MIER1: variants seen among roughly 807,000 people sequenced by gnomAD.
The protein encoded by MIER1 is MIER1 transcriptional regulator.
MIER1 carries 40 observed loss-of-function variants against 75.7 expected under a neutral mutation model. The ratio of observed to expected loss-of-function variants is 0.53; its 90% CI spans 0.41 to 0.69. The LOEUF (loss-of-function observed/expected upper bound fraction) is 0.69, where lower values mean the gene tolerates loss of function less well. MIER1 is among the 30% of genes least tolerant of loss of function. The pLI is 0.00. For missense variants in MIER1, 574 were observed against 680.2 expected (o/e 0.84, Z 1.74); for synonymous variants, 213 against 223.4 (o/e 0.95, Z 0.42).
rs1223242870 is a variant in MIER1, at chr1:66,979,763, CT to C, written c.1230-2001del. Among the ~76,000 whole-genome samples, 1,018 of 138,404 alleles carry C rather than the reference CT, an allele frequency of 7.4e-3. 2 individuals carry two copies. Among genetic ancestry groups the C allele is most frequent in the African/African-American group, 0.013 (475 of 37,920 alleles). 90.8% of individuals were successfully genotyped at this position (138,404 alleles called of 152,430 possible). On this transcript the variant is annotated intron_variant, in intron 12 of 13. Coordinates refer to ENST00000401041, the MANE Select transcript of MIER1 (RefSeq NM_001077700.3). ...TCAACTCTTGTTTCCTTTGCCTTGG[CT>C]TTTTTTTTTTTTTTAAAGACGGAGT...
chr1:66,930,515 C>T, intron 2 of MIER1: 2 of 1,117,992 alleles, frequency 1.8e-6, no homozygotes, highest in Non-Finnish European at 2.5e-6. Context: ...CGCCGCTGCC[C>T]ACCTGTTGTC....
chr1:66,967,392 C>G (rs1235789820), intron 8 of MIER1, among the ~76,000 whole-genome samples: 1 of 152,130 alleles, frequency 6.6e-6, no homozygotes, highest in East Asian at 1.9e-4. Context: ...GTTTTAGTTA[C>G]TGTAGCTCTG....
chr1:66,930,397 G>T, intron 2 of MIER1: 1 of 1,607,854 alleles, frequency 6.2e-7, no homozygotes, highest in East Asian at 2.3e-5. Flanking sequence ...CAAATATGGC[G>T]GAGGTAAGGG....
intron 8 of MIER1, among the ~76,000 whole-genome samples, chr1:66,969,957 A>G (rs577221067): frequency 2.0e-5 from 3 of 152,248 alleles, no homozygotes; most frequent in African/African-American, 7.2e-5. Context: ...TTTCATCCTC[A>G]TCACTCAACA....
At chr1:66,936,165 A>AT (rs1654782904) in intron 2 of MIER1, among the ~76,000 whole-genome samples, 1 of 152,062 alleles carries the variant, frequency 6.6e-6, no homozygotes, top group African/African-American at 2.4e-5. Context: ...TAAAAAAGGT[A>AT]TTTTTTCTAA....
At chr1:66,944,517 TA>T (rs1443284031) in intron 3 of MIER1, among the ~76,000 whole-genome samples, 1 of 151,612 alleles carries the variant, frequency 6.6e-6, no homozygotes, top group Non-Finnish European at 1.5e-5. Context: ...ATTCTACTAT[TA>T]CAAAGCTTGA....
chr1:66,935,899 A>G (rs575655339), intron 2 of MIER1, among the ~76,000 whole-genome samples: 53 of 152,230 alleles, frequency 3.5e-4, no homozygotes, highest in East Asian at 2.3e-3. Flanking sequence ...AGAACTATGT[A>G]TGGAAGAACT....
At chr1:66,925,246 G>T (rs1397151662) in intron 1 of MIER1, 151 bp downstream of exon 1, 1 of 983,212 alleles carries the variant, frequency 1.0e-6, no homozygotes. Context: ...AGGGGCTGCC[G>T]CAGAACGCGC....
intron 2 of MIER1, among the ~76,000 whole-genome samples, chr1:66,932,118 T>C (rs1184747814): frequency 6.6e-6 from 1 of 152,230 alleles, no homozygotes; most frequent in African/African-American, 2.4e-5. Flanking sequence ...AAAGAAATTA[T>C]GTTAACTTTT....
At chr1:66,935,521 A>G (rs1654578853) in intron 2 of MIER1, among the ~76,000 whole-genome samples, 1 of 152,342 alleles carries the variant, frequency 6.6e-6, no homozygotes, top group Non-Finnish European at 1.5e-5. Flanking sequence ...TTAAAAATCA[A>G]AATTTAGAGG....
chr1:66,953,276 T>G (rs966520165), intron 4 of MIER1, among the ~76,000 whole-genome samples: 1 of 152,188 alleles, frequency 6.6e-6, no homozygotes, highest in African/African-American at 2.4e-5. Context: ...AATCCTTACA[T>G]GATGCTTGTT....
At chr1:66,956,266 C>G in intron 4 of MIER1, among the ~76,000 whole-genome samples, 1 of 151,970 alleles carries the variant, frequency 6.6e-6, no homozygotes, top group Non-Finnish European at 1.5e-5. Flanking sequence ...ATGAAAAATA[C>G]AAAAATTAGC....
At chr1:66,949,332 G>A (rs553426053) in intron 4 of MIER1, among the ~76,000 whole-genome samples, 17 of 152,214 alleles carry the variant, frequency 1.1e-4, no homozygotes, top group Admixed American at 4.6e-4. Flanking sequence ...CTAATGGGCT[G>A]TGCTAAAATT....
At position 66,958,227 on chromosome 1, in the gene MIER1, CTA is replaced by C; in HGVS notation, c.501+12_501+13del. On this transcript the variant is annotated splice_region_variant and intron_variant, in intron 5 of 13. Transcript: ENST00000401041. Reference sequence around the variant, plus strand: ...CTGTAGTGGGGAAAATAAAGTAAGTCTATATACATATATTTAAGATTGTAGTC... The same window carrying C: ...CTGTAGTGGGGAAAATAAAGTAAGTCTATACATATATTTAAGATTGTAGTC... 1 of 1,586,272 alleles carries C rather than the reference CTA, an allele frequency of 6.3e-7. No homozygotes were observed. The highest frequency in any genetic ancestry group is 8.6e-7 in the Non-Finnish European group (1 of 1,159,138).
At chr1:66,969,194 A>G (rs1166300969) in intron 8 of MIER1, among the ~76,000 whole-genome samples, 1 of 152,164 alleles carries the variant, frequency 6.6e-6, no homozygotes, top group Admixed American at 6.5e-5. Context: ...TTGGGAAACA[A>G]GGGAAGATAG....
At chr1:66,937,454 G>A (rs1286213744) in intron 2 of MIER1, among the ~76,000 whole-genome samples, 1 of 151,984 alleles carries the variant, frequency 6.6e-6, no homozygotes, top group African/African-American at 2.4e-5. Flanking sequence ...CCATGGTGGC[G>A]CACGCTTGTA....
In MIER1 at chr1:66,981,863, T is replaced by G; in HGVS notation, c.1314T>G (p.Ser438Arg). 1 of 1,614,062 alleles carries G rather than the reference T, an allele frequency of 6.2e-7. No homozygotes were observed. Among genetic ancestry groups the G allele is most frequent in the Admixed American group, 1.7e-5 (1 of 60,020 alleles). The change falls in exon 13 of 14, where the codon AGT becomes AGG. Residue 438 changes from serine to arginine, a missense_variant. Physicochemically the swap from Ser to Arg is moderately radical, Grantham distance 110. Around this residue, in one of 3 missense-constraint regions of MIER1, gnomAD observed 164 missense variants for 154.3 expected, o/e 1.06. Transcript: ENST00000401041. ...CCCCTCCCCCAACTGCATCAAACAG[T>G]AGTAACAGCCAGTCTGAGAAAGAAG... ...APSPPPTASN[S>R]SNSQSEKEDG...
chr1:66,929,111 A>C (rs1652492210), intron 2 of MIER1: 2 of 664,454 alleles, frequency 3.0e-6, no homozygotes, highest in Non-Finnish European at 5.3e-6. Context: ...TTTTAAGGGA[A>C]TATAAATAAT....
At chr1:66,963,888 A>G (rs1021313525) in intron 8 of MIER1, among the ~76,000 whole-genome samples, 2 of 152,070 alleles carry the variant, frequency 1.3e-5, no homozygotes, top group African/African-American at 4.8e-5. Flanking sequence ...AGCCTGGGTG[A>G]CAGAGCAAGA....
Sources: gnomAD v4.1 joint callset for allele counts (sites outside exome capture counted in the v4.1 genomes callset) on GRCh38, gnomAD v4.1.1 for gene constraint, gnomAD v4.1.1 regional missense constraint, MANE v1.5 for transcripts, NCBI Gene and HGNC (gene_info 2026-07-23, HGNC 2026-07-21) for gene names.